FER: variants seen among roughly 807,000 people sequenced by gnomAD.
FER encodes FER tyrosine kinase, also known as tyrosine-protein kinase Fer.
A neutral mutation model predicts 111.0 loss-of-function variants in FER; 63 were observed. The observed-to-expected ratio is 0.57, with a 90% CI of 0.46 to 0.70. FER has a LOEUF of 0.70. FER is among the 30% of genes least tolerant of loss of function. The probability of loss-of-function intolerance (pLI) is 0.00; values close to 1 mark genes in which losing one functional copy is unlikely to be tolerated. For missense variants in FER, 914 were observed against 954.0 expected (o/e 0.96, Z 0.55); for synonymous variants, 327 against 313.9 (o/e 1.04, Z -0.44).
intron 17 of FER, among the ~76,000 whole-genome samples, chr5:109,110,582 A>C (rs1749487679): frequency 6.6e-6 from 1 of 152,126 alleles, no homozygotes; most frequent in Admixed American, 6.6e-5. Context: ...AGGTGGGGGT[A>C]ATTGATGGCA....
chr5:109,091,431 A>T (rs1746742895), intron 16 of FER, among the ~76,000 whole-genome samples: 1 of 152,230 alleles, frequency 6.6e-6, no homozygotes, highest in African/African-American at 2.4e-5. Flanking sequence ...CAGTGTGCAC[A>T]TCTGTGAAAG....
chr5:108,991,338 T>C (rs923952720), intron 13 of FER, among the ~76,000 whole-genome samples: 2 of 151,996 alleles, frequency 1.3e-5, no homozygotes, highest in African/African-American at 4.8e-5. Context: ...GAAAAAAGTA[T>C]AGGCATATTT....
chr5:109,011,147 ATCTGTTTTTT>A (rs1454137659), intron 13 of FER, among the ~76,000 whole-genome samples: 1 of 151,802 alleles, frequency 6.6e-6, no homozygotes, highest in Non-Finnish European at 1.5e-5. Context: ...TATTGTTTTT[ATCTGTTTTTT>A]TCAAATTATA....
rs1489425859 is a variant in FER at position 109,192,467 on chromosome 5, G to A, written c.*4892G>A. 6.6e-6 allele frequency: 1 copy of A among 152,114 alleles called. No homozygotes were observed. The highest frequency in any genetic ancestry group is 1.5e-5 in the Non-Finnish European group (1 of 68,006). The allele number at this position is 152,114 out of a possible 1,614,324, so 9.4% of individuals were successfully genotyped here. A position where few individuals can be genotyped will look rare whatever the true frequency, so the allele number is the denominator to read the frequency against. ...TACCTCTCCTTGTGTTAGGAGCACTGTTATATTCCCAGCTCAGAGATGATT... is the reference window on the plus strand; with the variant it reads ...TACCTCTCCTTGTGTTAGGAGCACTATTATATTCCCAGCTCAGAGATGATT... On this transcript the variant is annotated 3_prime_UTR_variant, in exon 20 of 20. Transcript: ENST00000281092.
intron 10 of FER, among the ~76,000 whole-genome samples, chr5:108,941,780 A>C (rs1353403521): frequency 6.6e-6 from 1 of 152,200 alleles, no homozygotes; most frequent in Non-Finnish European, 1.5e-5. Flanking sequence ...TAATTTACAA[A>C]AAACGTATTT....
chr5:108,819,736 T>C (rs946355079), intron 3 of FER: 13 of 935,592 alleles, frequency 1.4e-5, no homozygotes, highest in African/African-American at 3.6e-5. Flanking sequence ...TCATTCTATG[T>C]GAGAGAGAAA....
At chr5:109,094,640 T>C (rs773114312) in intron 16 of FER, among the ~76,000 whole-genome samples, 1 of 152,176 alleles carries the variant, frequency 6.6e-6, no homozygotes, top group Non-Finnish European at 1.5e-5. Context: ...CACAACTCTG[T>C]CATTATAGCA....
chr5:108,811,768 C>A (rs1164300889), intron 3 of FER, among the ~76,000 whole-genome samples: 1 of 152,090 alleles, frequency 6.6e-6, no homozygotes, highest in East Asian at 1.9e-4. Context: ...CTGTGTAAAT[C>A]CCAGAGTAAG....
intron 5 of FER, among the ~76,000 whole-genome samples, chr5:108,855,452 C>T (rs1409517987): frequency 4.0e-5 from 6 of 151,792 alleles, no homozygotes; most frequent in Non-Finnish European, 5.9e-5. Context: ...AATCCCGTCT[C>T]TGCTAAAAAA....
rs80044625 is a variant in FER, at chr5:108,954,516, A to T, written c.1330-213A>T. On this transcript the variant is annotated intron_variant, in intron 11 of 19. Coordinates refer to ENST00000281092, the MANE Select transcript of FER (RefSeq NM_005246.4). The stretch of plus-strand genomic sequence containing the variant: ...ATGCTAATATTGTGTCTACCTTTGT[A>T]TGATAGATAAAACAAAGTGTTGAAG... Among the ~76,000 whole-genome samples the T allele has an allele frequency of 0.029, 4,405 of 152,136 alleles. 91 individuals carry two copies. Among genetic ancestry groups the T allele is most frequent in the African/African-American group, 0.059 (2,451 of 41,542 alleles).
intron 7 of FER, 37 bp downstream of exon 7, chr5:108,871,539 A>C (rs777057295): frequency 3.3e-6 from 5 of 1,495,078 alleles, no homozygotes; most frequent in Non-Finnish European, 4.5e-6. Context: ...GATTTATGAC[A>C]GTATTATTTT....
At chr5:108,880,528 T>C (rs1765573731) in intron 8 of FER, among the ~76,000 whole-genome samples, 1 of 152,090 alleles carries the variant, frequency 6.6e-6, no homozygotes, top group African/African-American at 2.4e-5. Context: ...TATAATTATT[T>C]AATAAGGAAG....
chr5:108,867,956 A>G lies in FER; in HGVS notation c.665+6A>G. 6.3e-7 allele frequency: 1 copy of G among 1,593,008 alleles called. No homozygotes were observed. The highest frequency in any genetic ancestry group is 2.2e-5 in the East Asian group (1 of 44,628). ...GAAGAAATGATAAAAGCACTGTAAGATACATTTTCTTTTTATCATAAAATC... is the reference window on the plus strand; with the variant it reads ...GAAGAAATGATAAAAGCACTGTAAGGTACATTTTCTTTTTATCATAAAATC... On this transcript the variant is annotated splice_donor_region_variant and intron_variant, in intron 6 of 19. Coordinates refer to ENST00000281092, the MANE Select transcript of FER (RefSeq NM_005246.4).
chr5:108,772,303 G>T (rs983325004), intron 2 of FER, among the ~76,000 whole-genome samples: 1 of 92,976 alleles, frequency 1.1e-5, no homozygotes, highest in East Asian at 2.3e-4. Context: ...CCCCTGTTAT[G>T]CCATATATAT....
intron 5 of FER, among the ~76,000 whole-genome samples, chr5:108,859,607 C>G (rs1436449469): frequency 6.6e-6 from 1 of 152,098 alleles, no homozygotes; most frequent in Admixed American, 6.5e-5. Flanking sequence ...CCCAGCTACC[C>G]AGAACTCCCT....
At chr5:109,078,248 T>C (rs963224154) in intron 16 of FER, among the ~76,000 whole-genome samples, 2 of 152,188 alleles carry the variant, frequency 1.3e-5, no homozygotes, top group African/African-American at 4.8e-5. Flanking sequence ...GATACGTCCA[T>C]GGAATCTACA....
At chr5:108,881,789 A>T (rs1237073057) in intron 8 of FER, among the ~76,000 whole-genome samples, 1 of 151,920 alleles carries the variant, frequency 6.6e-6, no homozygotes, top group African/African-American at 2.4e-5. Context: ...AAGGGCTCTG[A>T]TCCCATCATG....
At chr5:109,014,884 A>G (rs542373161) in intron 13 of FER, 4 of 152,402 alleles carry the variant, frequency 2.6e-5, no homozygotes, top group South Asian at 2.1e-4. Context: ...CGCAGGGGCC[A>G]TGCTAATCTT....
At chr5:109,182,793 ACAGC>A (rs1467440485) in intron 18 of FER, among the ~76,000 whole-genome samples, 2 of 152,228 alleles carry the variant, frequency 1.3e-5, no homozygotes, top group Non-Finnish European at 2.9e-5. Context: ...GATATATCTA[ACAGC>A]CAGACCCAAA....
Sources: gnomAD v4.1 joint callset for allele counts (sites outside exome capture counted in the v4.1 genomes callset) on GRCh38, gnomAD v4.1.1 for gene constraint, MANE v1.5 for transcripts, NCBI Gene and HGNC (gene_info 2026-07-23, HGNC 2026-07-21) for gene names.